The following KATNIP variants were observed in gnomAD, a reference collection of about 807,000 sequenced individuals.
KATNIP encodes katanin interacting protein.
A neutral mutation model predicts 174.0 loss-of-function variants in KATNIP; 126 were observed. That is an observed-to-expected ratio of 0.72 (90% CI 0.63 to 0.84). The LOEUF is 0.84. KATNIP is among the 40% of genes least tolerant of loss of function. KATNIP has a pLI of 0.00. For synonymous variants in KATNIP, 810 were observed against 835.7 expected (o/e 0.97, Z 0.53); for missense variants, 1,958 against 2,109.7 (o/e 0.93, Z 1.41).
chr16:27,731,063 T>A (rs1454379198), intron 14 of KATNIP, among the ~76,000 whole-genome samples: 1 of 152,204 alleles, frequency 6.6e-6, no homozygotes, highest in African/African-American at 2.4e-5. Flanking sequence ...CAGCTGGTTG[T>A]GAACTCTTCA....
intron 1 of KATNIP, among the ~76,000 whole-genome samples, chr16:27,557,166 G>A (rs1313261734): frequency 6.7e-6 from 1 of 150,112 alleles, no homozygotes; most frequent in East Asian, 1.9e-4. Flanking sequence ...TTTTGAGGTG[G>A]AGTCTCACTT....
intron 13 of KATNIP, among the ~76,000 whole-genome samples, chr16:27,715,511 C>T (rs977785050): frequency 2.6e-5 from 4 of 152,032 alleles, no homozygotes; most frequent in African/African-American, 9.7e-5. Flanking sequence ...ATACAACCTA[C>T]AAAAGGGAGA....
At chr16:27,560,939 A>G (rs180712760) in intron 1 of KATNIP, among the ~76,000 whole-genome samples, 32 of 152,210 alleles carry the variant, frequency 2.1e-4, no homozygotes, top group Admixed American at 2.0e-3. Flanking sequence ...CATAAAGTAG[A>G]CAAAGGAAAG....
intron 1 of KATNIP, among the ~76,000 whole-genome samples, chr16:27,553,624 C>T (rs1215580626): frequency 3.3e-5 from 5 of 151,750 alleles, no homozygotes. Context: ...AGACCAGCTT[C>T]GTCAACATAG....
chr16:27,674,782 T>C (rs1457567389), intron 6 of KATNIP, among the ~76,000 whole-genome samples: 1 of 152,192 alleles, frequency 6.6e-6, no homozygotes, highest in Non-Finnish European at 1.5e-5. Flanking sequence ...GCCCACCCTC[T>C]GTCCCCCAAA....
intron 1 of KATNIP, among the ~76,000 whole-genome samples, chr16:27,562,901 G>A (rs971427576): frequency 2.6e-5 from 4 of 152,182 alleles, no homozygotes; most frequent in African/African-American, 9.7e-5. Flanking sequence ...AAGAGCAGGG[G>A]GAAGGGATCA....
At chr16:27,752,208 G>T (rs1022727666) in intron 17 of KATNIP, among the ~76,000 whole-genome samples, 8 of 152,092 alleles carry the variant, frequency 5.3e-5, no homozygotes, top group African/African-American at 9.7e-5. Context: ...TCAGAGGTTG[G>T]CAGTCTGGGG....
At position 27,637,989 on chromosome 16, in the gene KATNIP, C is replaced by T. The variant is rs1040434654; in HGVS notation, c.408+6827C>T. On this transcript the variant is annotated intron_variant, in intron 5 of 27. Coordinates refer to ENST00000261588, the MANE Select transcript of KATNIP (RefSeq NM_015202.5). This position sits in a 1 kb window ranked among gnomAD's most constrained non-coding sequence, Gnocchi z 4.7. ...CTTCTGTTCCCTGTCCCTGAGCTGC[C>T]GCCAACTCGTAGCTTCAGTGTTCCC... Among the ~76,000 whole-genome samples, 12 of 152,184 alleles carry T rather than the reference C, an allele frequency of 7.9e-5. No homozygotes were observed. The highest frequency in any genetic ancestry group is 2.1e-4 in the South Asian group (1 of 4,836).
intron 5 of KATNIP, 166 bp downstream of exon 5, chr16:27,631,328 C>T: frequency 1.8e-6 from 1 of 567,010 alleles, no homozygotes; most frequent in Non-Finnish European, 3.1e-6. Context: ...CACTTTGAGC[C>T]CAGAAGTTCG....
chr16:27,766,794 T>C (rs1473374492), intron 20 of KATNIP, among the ~76,000 whole-genome samples: 8 of 152,178 alleles, frequency 5.3e-5, no homozygotes, highest in Non-Finnish European at 1.0e-4. Flanking sequence ...TGGCCAGGCC[T>C]CTGCTGAGGG....
intron 1 of KATNIP, among the ~76,000 whole-genome samples, chr16:27,566,256 C>A (rs939654622): frequency 2.0e-5 from 3 of 152,104 alleles, no homozygotes; most frequent in Non-Finnish European, 4.4e-5. Context: ...TTCAGGAAGC[C>A]GGCCAGGCGT....
intron 23 of KATNIP, 147 bp downstream of exon 23, chr16:27,773,356 C>T (rs2082380887): frequency 3.6e-6 from 2 of 562,494 alleles, no homozygotes; most frequent in Non-Finnish European, 6.2e-6. Flanking sequence ...AGATGCTGAC[C>T]CTTGGGGACG....
intron 2 of KATNIP, among the ~76,000 whole-genome samples, chr16:27,606,283 G>C (rs72784400): frequency 3.4e-4 from 52 of 152,278 alleles, no homozygotes; most frequent in Non-Finnish European, 6.8e-4. Context: ...TGTGACTTTT[G>C]TACTGTAAGA....
At chr16:27,733,941 G>A (rs1471150351) in intron 14 of KATNIP, among the ~76,000 whole-genome samples, 2 of 152,122 alleles carry the variant, frequency 1.3e-5, no homozygotes, top group East Asian at 1.9e-4. Context: ...CACTTATGCG[G>A]TATATACGTA....
At position 27,631,054 on chromosome 16, in the gene KATNIP, C is replaced by G; in HGVS notation, c.311-11C>G. ...GCCTCACCAAGTCTCCTTCCCTCGT[C>G]TCTGGTGCAGATTATGGACGAAGAA... On this transcript the variant is annotated splice_polypyrimidine_tract_variant and intron_variant, in intron 4 of 27. Transcript: ENST00000261588. 1.3e-6 allele frequency: 2 copies of G among 1,557,612 alleles called. No homozygotes were observed. The highest frequency in any genetic ancestry group is 1.7e-6 in the Non-Finnish European group (2 of 1,148,794).
chr16:27,776,586 C>T lies in KATNIP; in HGVS notation c.4450-342C>T, dbSNP rs943257223. Among the ~76,000 whole-genome samples the T allele has an allele frequency of 6.6e-6, 1 of 152,146 alleles. No individual in the cohort carries two copies. Among genetic ancestry groups the T allele is most frequent in the African/African-American group, 2.4e-5 (1 of 41,422 alleles). ...CGAGTTGGGGACTGTCCCTTTAGCT[C>T]ATGGGGCTCTAGACTATTTCTGGGC... is the stretch of plus-strand genomic sequence containing the variant. On this transcript the variant is annotated intron_variant, in intron 24 of 27. Coordinates refer to ENST00000261588, the MANE Select transcript of KATNIP (RefSeq NM_015202.5). The surrounding 1 kb of genome is among the most constrained non-coding windows in gnomAD (Gnocchi z 4.7).
At chr16:27,728,095 C>G (rs2080521234) in intron 14 of KATNIP, among the ~76,000 whole-genome samples, 1 of 152,270 alleles carries the variant, frequency 6.6e-6, no homozygotes, top group Non-Finnish European at 1.5e-5. Flanking sequence ...TCACCCGAGT[C>G]AGTGCGGCCT....
At chr16:27,623,172 C>G (rs893686115) in intron 3 of KATNIP, among the ~76,000 whole-genome samples, 2 of 152,178 alleles carry the variant, frequency 1.3e-5, no homozygotes, top group East Asian at 3.8e-4. Context: ...TTGCTCAGAG[C>G]CTCTGTGATG....
chr16:27,754,791 A>G (rs2081653103), intron 18 of KATNIP: 1 of 152,372 alleles, frequency 6.6e-6, no homozygotes, highest in Non-Finnish European at 1.5e-5. Flanking sequence ...AAGTCTCCAG[A>G]TTCTCAAATG....
Sources: allele counts gnomAD v4.1 joint callset (sites outside exome capture counted in the v4.1 genomes callset), GRCh38; gene constraint gnomAD v4.1.1; non-coding constraint Gnocchi (gnomAD v3.1); transcripts MANE v1.5; gene names NCBI Gene and HGNC (gene_info 2026-07-23, HGNC 2026-07-21).